The following RGL1 variants were observed in gnomAD, a reference collection of about 807,000 sequenced individuals.
RGL1 encodes the protein ral guanine nucleotide dissociation stimulator-like 1.
A neutral mutation model predicts 95.2 loss-of-function variants in RGL1; 24 were observed. That is an observed-to-expected ratio of 0.25 (90% CI 0.18 to 0.35). RGL1 has a LOEUF of 0.35. Ranked by LOEUF, RGL1 falls within the 10% of genes least tolerant of loss-of-function variation. The probability of loss-of-function intolerance (pLI) is 1.00; values close to 1 mark genes in which losing one functional copy is unlikely to be tolerated. For missense variants in RGL1, 715 were observed against 936.3 expected (o/e 0.76, Z 3.08); for synonymous variants, 329 against 344.9 (o/e 0.95, Z 0.51).
chr1:183,840,750 G>T (rs1664004551), intron 2 of RGL1, among the ~76,000 whole-genome samples: 1 of 151,880 alleles, frequency 6.6e-6, no homozygotes, highest in African/African-American at 2.4e-5. Flanking sequence ...AAATAAATTA[G>T]CTGGGGTGGT....
intron 2 of RGL1, among the ~76,000 whole-genome samples, chr1:183,766,790 T>A (rs534201343): frequency 1.3e-5 from 2 of 152,174 alleles, no homozygotes; most frequent in South Asian, 2.1e-4. Flanking sequence ...GTGTGCTCTA[T>A]CATTTTTTTT....
At chr1:183,886,013 A>G (rs1412455857) in intron 7 of RGL1, among the ~76,000 whole-genome samples, 1 of 152,180 alleles carries the variant, frequency 6.6e-6, no homozygotes, top group African/African-American at 2.4e-5. Context: ...AATTATTAAT[A>G]TGAAAATATC....
intron 9 of RGL1, among the ~76,000 whole-genome samples, chr1:183,893,596 G>T (rs1451296641): frequency 6.6e-6 from 1 of 152,196 alleles, no homozygotes; most frequent in East Asian, 1.9e-4. Flanking sequence ...CCTTAGGTTA[G>T]TCGATCCTAT....
At chr1:183,718,740 C>A (rs931248048) in intron 1 of RGL1, among the ~76,000 whole-genome samples, 1 of 151,616 alleles carries the variant, frequency 6.6e-6, no homozygotes, top group South Asian at 2.1e-4. Context: ...CATGGTGAAA[C>A]CCCCGTCTCT....
Position 183,648,062 on chromosome 1 carries a change from A to G in RGL1, c.-33+11561A>G, listed in dbSNP as rs960897494. On this transcript the variant is annotated intron_variant, in intron 1 of 18. Transcript: ENST00000304685. ...TCCTTTTTGTCTGGAGAAGAACATC[A>G]GTGAAGTAAGGTTTTACGCCTGTTA... is the stretch of plus-strand genomic sequence containing the variant. The G allele has an allele frequency of 2.5e-6, 4 of 1,614,112 alleles. No homozygotes were observed. In the Admixed American group the frequency reaches 6.7e-5, roughly 27 times the overall value.
chr1:183,915,719 G>A (rs952362217), intron 15 of RGL1, among the ~76,000 whole-genome samples: 1 of 152,224 alleles, frequency 6.6e-6, no homozygotes, highest in Non-Finnish European at 1.5e-5. Flanking sequence ...AAGCCTCACA[G>A]TACTAAACAT....
At chr1:183,903,356 G>A (rs114878707) in intron 12 of RGL1, among the ~76,000 whole-genome samples, 50 of 152,174 alleles carry the variant, frequency 3.3e-4, no homozygotes, top group African/African-American at 1.2e-3. Context: ...TCTTCCTGTG[G>A]ATAGCACAGT....
Position 183,814,597 on chromosome 1 carries a change from C to CT in RGL1, c.138+8118dup, listed in dbSNP as rs543650246. 3.2e-3 allele frequency among the ~76,000 whole-genome samples: 492 copies of CT among 152,220 alleles called. 2 individuals are homozygous for CT. The highest frequency in any genetic ancestry group is 0.011 in the African/African-American group (472 of 41,542). ...TTCTGCAAAGAATTCAGCAATTCAACTTTTTTCCCTTGTTTCCTGCTGTTT... is the reference window on the plus strand; with the variant it reads ...TTCTGCAAAGAATTCAGCAATTCAACTTTTTTTCCCTTGTTTCCTGCTGTTT... On this transcript the variant is annotated intron_variant, in intron 2 of 17. Coordinates refer to ENST00000360851, the MANE Select transcript of RGL1 (RefSeq NM_001297671.3).
At chr1:183,918,978 A>G (rs971951168) in intron 16 of RGL1, among the ~76,000 whole-genome samples, 3 of 152,240 alleles carry the variant, frequency 2.0e-5, no homozygotes, top group African/African-American at 7.2e-5. Context: ...AGGCGAGACT[A>G]GCAGTTCTCA....
At chr1:183,799,176 AC>A (rs1302652468) in intron 2 of RGL1, among the ~76,000 whole-genome samples, 1 of 152,132 alleles carries the variant, frequency 6.6e-6, no homozygotes, top group Non-Finnish European at 1.5e-5. Context: ...TGCTGGGATT[AC>A]AGGCATGAGC....
chr1:183,906,942 A>G, intron 13 of RGL1, 70 bp from the exon 14 acceptor site: 2 of 849,578 alleles, frequency 2.4e-6, no homozygotes, highest in Non-Finnish European at 2.0e-6. Context: ...AAACCAGGAC[A>G]TCATGTGAAT....
intron 14 of RGL1, 40 bp downstream of exon 14, chr1:183,907,141 C>A: frequency 8.0e-7 from 1 of 1,248,892 alleles, no homozygotes; most frequent in Non-Finnish European, 1.2e-6. Context: ...CAAGAGGGTG[C>A]CATCAGAGTC....
intron 1 of RGL1, among the ~76,000 whole-genome samples, chr1:183,670,051 C>T (rs1045616743): frequency 2.0e-5 from 3 of 152,232 alleles, no homozygotes; most frequent in South Asian, 4.2e-4. Flanking sequence ...TATCAGGGAG[C>T]ATTCTGTGGT....
At chr1:183,650,954 T>C (rs1427765503) in intron 1 of RGL1, among the ~76,000 whole-genome samples, 1 of 152,192 alleles carries the variant, frequency 6.6e-6, no homozygotes, top group Non-Finnish European at 1.5e-5. Flanking sequence ...GAAATATATT[T>C]GATTTTTTAC....
At chr1:183,848,841 G>C (rs1429837822) in intron 3 of RGL1, among the ~76,000 whole-genome samples, 1 of 152,004 alleles carries the variant, frequency 6.6e-6, no homozygotes, top group Non-Finnish European at 1.5e-5. Context: ...AAAATAAAAA[G>C]TAAAATATTT....
chr1:183,918,679 C>T (rs1202485279), intron 16 of RGL1, among the ~76,000 whole-genome samples: 1 of 152,200 alleles, frequency 6.6e-6, no homozygotes, highest in African/African-American at 2.4e-5. Flanking sequence ...GCCCCCTGCT[C>T]TGAGATTCCT....
At position 183,759,220 on chromosome 1, in the gene RGL1, C is replaced by T. The variant is rs1402443604; in HGVS notation, c.132+16931C>T. 2.0e-5 allele frequency among the ~76,000 whole-genome samples: 3 copies of T among 152,178 alleles called. No individual in the cohort carries two copies. In the East Asian group the frequency reaches 5.8e-4, roughly 29 times the overall value. ...GGAAGACACGATTGTGGTCATGAGG[C>T]AGAAGACAAGAGTGAGTGGGAAGCT... On this transcript the variant is annotated intron_variant, in intron 2 of 18. Coordinates refer to the RGL1 transcript ENST00000304685.
intron 2 of RGL1, among the ~76,000 whole-genome samples, chr1:183,795,151 G>T (rs1449806459): frequency 6.6e-6 from 1 of 152,128 alleles, no homozygotes; most frequent in Non-Finnish European, 1.5e-5. Flanking sequence ...TTACAGGCAT[G>T]AGCCACCATG....
chr1:183,735,951 G>A (rs1435607335), intron 1 of RGL1, among the ~76,000 whole-genome samples: 2 of 152,130 alleles, frequency 1.3e-5, no homozygotes, highest in African/African-American at 4.8e-5. Flanking sequence ...CCCACAATTT[G>A]TAGATATCAC....
Sources: gnomAD v4.1 joint callset for allele counts (sites outside exome capture counted in the v4.1 genomes callset) on GRCh38, gnomAD v4.1.1 for gene constraint, MANE v1.5 for transcripts, NCBI Gene and HGNC (gene_info 2026-07-23, HGNC 2026-07-21) for gene names.